Variants in TPCN2 observed in about 807,000 individuals in gnomAD.
The protein encoded by TPCN2 is two pore channel protein 2.
In TPCN2, 92 loss-of-function variants were observed where a neutral mutation model predicts 111.4. The observed-to-expected ratio is 0.83, with a 90% confidence interval of 0.70 to 0.98. TPCN2 has a LOEUF of 0.98. Ranked by LOEUF, TPCN2 falls within the 50% of genes least tolerant of loss-of-function variation. The probability of loss-of-function intolerance (pLI) is 0.00; values close to 1 mark genes in which losing one functional copy is unlikely to be tolerated. For missense variants in TPCN2, 995 were observed against 980.1 expected, an observed-to-expected ratio of 1.02 and a Z score of -0.20; for synonymous variants, 405 against 414.5, an observed-to-expected ratio of 0.98 and a Z score of 0.28.
intron 1 of TPCN2, 72 bp downstream of exon 1, chr11:69,049,178 A>G: frequency 3.0e-6 from 3 of 1,001,096 alleles, no homozygotes; most frequent in Non-Finnish European, 3.9e-6. Context: ...CCGCTGTCCC[A>G]GCACCCCGCT....
At position 69,054,388 on chromosome 11, in the gene TPCN2, C is replaced by T. The variant is rs552421016; in HGVS notation, c.174+291C>T. On this transcript the variant is annotated intron_variant, in intron 2 of 24. Coordinates refer to ENST00000294309, the MANE Select transcript of TPCN2 (RefSeq NM_139075.4). ...CATCCTGGAGGATGACACAGCTGCA[C>T]GGGGCGTGGGAGGGTCAGCCTTGCA... 34 of 570,252 alleles carry T rather than the reference C, an allele frequency of 6.0e-5. No homozygotes were observed. In the Middle Eastern group the frequency reaches 1.4e-3, roughly 24 times the overall value. 35.3% of individuals were successfully genotyped at this position (570,252 alleles called of 1,614,324 possible). A position where few individuals can be genotyped will look rare whatever the true frequency, so the allele number is the denominator to read the frequency against.
rs368171157 is a variant in TPCN2 at position 69,054,724 on chromosome 11, C to T, written c.178C>T (p.Arg60Cys). ...VVFIEDAIQY[R>C]SINHRVDASS... ...TCATGTGACTTTTCGCTTGTAGTAC[C>T]GCTCCATCAACCACCGGGTGGATGC... Residue 60 changes from arginine to cysteine, a missense_variant, in exon 3 of 25, where the codon CGC becomes TGC. Transcript: ENST00000294309. 4.0e-5 allele frequency: 65 copies of T among 1,613,990 alleles called. No individual in the cohort carries two copies. The highest frequency in any genetic ancestry group is 1.3e-4 in the South Asian group (12 of 91,082).
At position 69,078,581 on chromosome 11, in the gene TPCN2, G is replaced by T; in HGVS notation, c.1330G>T (p.Ala444Ser). Reference protein sequence around the residue: ...FDYLGNLIALANLVSICVFLV... With the variant: ...FDYLGNLIALSNLVSICVFLV... ...CTACCTGGGGAACCTCATCGCCCTG[G>T]CAAACCTGGTGTCCATTTGCGTGAG... Residue 444 changes from alanine (A) to serine (S), a missense_variant, in exon 14 of 25, where the codon GCA becomes TCA. By Grantham distance (99) the Ala-to-Ser change is moderately conservative. Coordinates refer to ENST00000294309, the MANE Select transcript of TPCN2 (RefSeq NM_139075.4). The T allele has an allele frequency of 6.2e-7, 1 of 1,614,060 alleles. No individual in the cohort carries two copies. Among genetic ancestry groups the T allele is most frequent in the Non-Finnish European group, 8.5e-7 (1 of 1,180,034 alleles).
intron 17 of TPCN2, 66 bp downstream of exon 17, chr11:69,079,949 G>C (rs535273644): frequency 6.7e-7 from 1 of 1,492,990 alleles, no homozygotes; most frequent in East Asian, 2.3e-5. Context: ...GCCCCTGGGA[G>C]GGTCTCAGTG....
At chr11:69,086,632 C>A (rs748030113) in intron 23 of TPCN2, 28 bp downstream of exon 23, 6 of 1,606,380 alleles carry the variant, frequency 3.7e-6, no homozygotes, top group Non-Finnish European at 4.3e-6. Context: ...CCAGGCTGTT[C>A]TCCATGGTCG....
chr11:69,058,709 G>A (rs529384685), intron 5 of TPCN2, among the ~76,000 whole-genome samples: 10 of 152,346 alleles, frequency 6.6e-5, no homozygotes, highest in East Asian at 3.9e-4. Context: ...GGGCAGCCCC[G>A]CTGTGCTGCT....
chr11:69,071,171 C>G (rs1020615107), intron 9 of TPCN2, among the ~76,000 whole-genome samples, 185 bp from the exon 10 acceptor site: 3 of 148,854 alleles, frequency 2.0e-5, no homozygotes, highest in Non-Finnish European at 4.5e-5. Context: ...TCCCCCACCC[C>G]ACACTTTCTG....
At chr11:69,086,377 G>C in intron 22 of TPCN2, 146 bp from the exon 23 acceptor site, 1 of 710,624 alleles carries the variant, frequency 1.4e-6, no homozygotes, top group Non-Finnish European at 2.5e-6. Flanking sequence ...GGTTGTTTCT[G>C]AGATGGAAAT....
chr11:69,081,961 C>T (rs1856032008), intron 18 of TPCN2, among the ~76,000 whole-genome samples: 1 of 152,134 alleles, frequency 6.6e-6, no homozygotes, highest in Non-Finnish European at 1.5e-5. Context: ...TCTCTTAATG[C>T]ACCGGTTAGG....
At chr11:69,063,043 C>A in intron 6 of TPCN2, 53 bp downstream of exon 6, 1 of 1,533,494 alleles carries the variant, frequency 6.5e-7, no homozygotes, top group African/African-American at 1.4e-5. Context: ...TCTCTCTGCC[C>A]CGGGCCACGT....
intron 13 of TPCN2, among the ~76,000 whole-genome samples, chr11:69,077,670 C>T (rs187867671): frequency 1.3e-5 from 2 of 152,300 alleles, no homozygotes; most frequent in East Asian, 3.9e-4. Flanking sequence ...TCTTCTTTGA[C>T]GTATACATGA....
At chr11:69,073,774 C>T (rs180711647) in intron 13 of TPCN2, among the ~76,000 whole-genome samples, 24 of 152,232 alleles carry the variant, frequency 1.6e-4, no homozygotes, top group East Asian at 7.7e-4. Flanking sequence ...GGCCTCTCTC[C>T]GTGGCCTGTA....
intron 5 of TPCN2, among the ~76,000 whole-genome samples, chr11:69,061,179 G>T (rs1320113387): frequency 6.6e-6 from 1 of 152,220 alleles, no homozygotes; most frequent in Non-Finnish European, 1.5e-5. Context: ...GTGGTGGTGG[G>T]TGCCATGCCG....
chr11:69,065,428 G>C (rs1024652612), intron 7 of TPCN2, among the ~76,000 whole-genome samples: 3 of 152,200 alleles, frequency 2.0e-5, no homozygotes, highest in Admixed American at 1.3e-4. Flanking sequence ...TCCTCCAGGC[G>C]TGGGTTTCTG....
At chr11:69,059,630 G>C (rs964932368) in intron 5 of TPCN2, among the ~76,000 whole-genome samples, 3 of 152,234 alleles carry the variant, frequency 2.0e-5, no homozygotes, top group Non-Finnish European at 4.4e-5. Context: ...GTGGGCCCGC[G>C]CCGGGGCTGC....
rs2134500051 is a variant in TPCN2 at position 69,049,069 on chromosome 11, G to C, written c.72G>C (p.Ala24=). ...GCGGCGGTGGCGGCGACTGGCCGGC[G>C]GGGCTGACCACTTACCGCAGCATCC... is the stretch of plus-strand genomic sequence containing the variant. ...GARGGGGDWP[A]GLTTYRSIQV... Residue 24 remains alanine (A), a synonymous_variant, in exon 1 of 25, where the codon GCG becomes GCC. Transcript: ENST00000294309. The C allele has an allele frequency of 1.6e-6, 2 of 1,242,386 alleles. No individual in the cohort carries two copies. Among genetic ancestry groups the C allele is most frequent in the African/African-American group, 3.1e-5 (2 of 64,546 alleles). 77.0% of individuals were successfully genotyped at this position (1,242,386 alleles called of 1,614,324 possible). A position where few individuals can be genotyped will look rare whatever the true frequency, so the allele number is the denominator to read the frequency against.
chr11:69,070,006 CTTTCTTTT>C (rs1855449821), intron 8 of TPCN2, among the ~76,000 whole-genome samples: 2 of 149,888 alleles, frequency 1.3e-5, no homozygotes, highest in Non-Finnish European at 3.0e-5. Context: ...TTTTCCTTTT[CTTTCTTTT>C]TTTCTTTCTT....
At chr11:69,072,129 C>T (rs967299135) in intron 11 of TPCN2, 106 bp downstream of exon 11, 1 of 936,524 alleles carries the variant, frequency 1.1e-6, no homozygotes, top group South Asian at 1.6e-5. Flanking sequence ...CTGTGCCTCG[C>T]CCCTGCTGGC....
intron 24 of TPCN2, 63 bp downstream of exon 24, chr11:69,087,269 G>A (rs1372976213): frequency 1.3e-6 from 2 of 1,494,726 alleles, no homozygotes; most frequent in African/African-American, 1.4e-5. Context: ...GAGCTGGGGG[G>A]TGGAGGGGTT....
Sources: gnomAD v4.1 joint callset for allele counts (sites outside exome capture counted in the v4.1 genomes callset) on GRCh38, gnomAD v4.1.1 for gene constraint, MANE v1.5 for transcripts, NCBI Gene and HGNC (gene_info 2026-07-23, HGNC 2026-07-21) for gene names.